FXR1: variants seen among roughly 807,000 people sequenced by gnomAD.
FXR1 encodes the protein FMR1 autosomal homolog 1.
FXR1 carries 15 observed loss-of-function variants against 84.0 expected under a neutral mutation model. That is an observed-to-expected ratio of 0.18 (90% CI 0.12 to 0.27). The LOEUF is 0.27. FXR1 is among the 10% of genes least tolerant of loss of function. The pLI is 1.00. For missense variants in FXR1, 480 were observed against 774.4 expected, an observed-to-expected ratio of 0.62 and a Z score of 4.51; for synonymous variants, 245 against 250.7, an observed-to-expected ratio of 0.98 and a Z score of 0.21.
At chr3:180,931,026 C>CAGAAAAAAAAAAAA (rs1719826372) in intron 1 of FXR1, among the ~76,000 whole-genome samples, 1 of 55,642 alleles carries the variant, frequency 1.8e-5, no homozygotes, top group African/African-American at 6.0e-5. Context: ...GAGACTGCCT[C>CAGAAAAAAAAAAAA]AAAAAAAAAA....
In FXR1 at chr3:180,927,776, G is replaced by T. The variant is rs527873183; in HGVS notation, c.52-5558G>T. 4 of 431,994 alleles carry T rather than the reference G, an allele frequency of 9.3e-6. No individual in the cohort carries two copies. The East Asian group carries it at 1.1e-4, about 11-fold the overall frequency. The allele number at this position is 431,994 out of a possible 1,614,324, so 26.8% of individuals were successfully genotyped here. A position where few individuals can be genotyped will look rare whatever the true frequency, so the allele number is the denominator to read the frequency against. On this transcript the variant is annotated intron_variant, in intron 1 of 16. Transcript: ENST00000357559. The stretch of plus-strand genomic sequence containing the variant: ...AGCAAATGTTTAACAATTTAAAGGA[G>T]ATTTGTATATTATTAAAATTACATT...
At chr3:180,972,240 A>T (rs1038775982) in intron 15 of FXR1, among the ~76,000 whole-genome samples, 1 of 152,082 alleles carries the variant, frequency 6.6e-6, no homozygotes, top group East Asian at 1.9e-4. Context: ...AGGTAGCAGG[A>T]TTGCTTGAGC....
chr3:180,964,164 C>G (rs1399908794), intron 13 of FXR1, among the ~76,000 whole-genome samples: 1 of 151,982 alleles, frequency 6.6e-6, no homozygotes, highest in Non-Finnish European at 1.5e-5. Flanking sequence ...GTATTGAAAC[C>G]TAAACAGCAA....
chr3:180,919,648 A>G (rs1718335357), intron 1 of FXR1, among the ~76,000 whole-genome samples: 1 of 151,352 alleles, frequency 6.6e-6, no homozygotes, highest in Non-Finnish European at 1.5e-5. Context: ...AATAATATTG[A>G]AATTAATATT....
At chr3:180,951,687 T>C (rs1375625341) in intron 8 of FXR1, among the ~76,000 whole-genome samples, 1 of 152,240 alleles carries the variant, frequency 6.6e-6, no homozygotes, top group African/African-American at 2.4e-5. Context: ...TATGTAGTTT[T>C]TTTATTGAGG....
intron 6 of FXR1, 119 bp downstream of exon 6, chr3:180,948,933 A>G: frequency 1.5e-6 from 1 of 651,068 alleles, no homozygotes; most frequent in East Asian, 2.6e-5. Context: ...TTATTAATAT[A>G]GTGTGGGAGA....
rs959702532 is a variant in FXR1, at chr3:180,963,875, G to A, written c.1198+785G>A. ...GTGACCTGATTTGTTTTTTTCCTTC[G>A]CCCCTTCTCTTTATTTTCTCTTTTC... On this transcript the variant is annotated intron_variant, in intron 13 of 16. Transcript: ENST00000357559. 1.2e-3 allele frequency among the ~76,000 whole-genome samples: 180 copies of A among 146,208 alleles called. 1 individual carries two copies. The highest frequency in any genetic ancestry group is 5.4e-4 in the Non-Finnish European group (35 of 64,888).
At chr3:180,976,067 C>T in intron 16 of FXR1, 55 bp from the exon 17 acceptor site, 5 of 1,382,024 alleles carry the variant, frequency 3.6e-6, no homozygotes, top group South Asian at 1.4e-5. Context: ...TGTTTTCCTC[C>T]TCAGCTATAG....
chr3:180,979,569 A>G lies in FXR1; in HGVS notation c.*3277A>G, dbSNP rs752342708. On this transcript the variant is annotated 3_prime_UTR_variant, in exon 17 of 17. Coordinates refer to ENST00000357559, the MANE Select transcript of FXR1 (RefSeq NM_005087.4). The stretch of plus-strand genomic sequence containing the variant: ...GCCCCTTATTTTTTTTTTTAATTTT[A>G]GTTCTTTATTAGAACGTGTACTTGA... 5.3e-5 allele frequency: 8 copies of G among 151,286 alleles called. No homozygotes were observed. Among genetic ancestry groups the G allele is most frequent in the Non-Finnish European group, 7.4e-5 (5 of 67,786 alleles). 9.4% of individuals were successfully genotyped at this position (151,286 alleles called of 1,614,324 possible).
intron 3 of FXR1, among the ~76,000 whole-genome samples, chr3:180,940,433 C>T (rs1720991332): frequency 6.6e-6 from 1 of 151,018 alleles, no homozygotes; most frequent in South Asian, 2.1e-4. Flanking sequence ...AAATATCCCT[C>T]CTCCCTCATT....
intron 3 of FXR1, among the ~76,000 whole-genome samples, chr3:180,943,794 T>TA (rs1192265606): frequency 6.6e-6 from 1 of 152,196 alleles, no homozygotes; most frequent in East Asian, 1.9e-4. Flanking sequence ...ATAAGGGGGT[T>TA]AGGTAGTTTT....
rs574607278 is a variant in FXR1 at position 180,917,470 on chromosome 3, T to A, written c.51+4734T>A. ...ATACATAGTTCCAGATAATTTAAAA[T>A]GGTTGTTTTGCATATTTAAAAAGAT... On this transcript the variant is annotated intron_variant, in intron 1 of 16. Transcript: ENST00000357559. Among the ~76,000 whole-genome samples the A allele has an allele frequency of 1.1e-4, 17 of 152,322 alleles. No individual in the cohort carries two copies. The South Asian group carries it at 2.9e-3, about 26-fold the overall frequency.
intron 2 of FXR1, 114 bp downstream of exon 2, chr3:180,933,500 G>T: frequency 1.4e-6 from 1 of 691,556 alleles, no homozygotes. Flanking sequence ...AGGGAGTGGG[G>T]AGGTTTGGTT....
At chr3:180,974,772 T>C (rs1714017902) in intron 15 of FXR1, among the ~76,000 whole-genome samples, 1 of 152,066 alleles carries the variant, frequency 6.6e-6, no homozygotes, top group Non-Finnish European at 1.5e-5. Context: ...CAGAATCGTT[T>C]CTAGTGTGAA....
At chr3:180,951,636 C>G (rs1722239691) in intron 8 of FXR1, among the ~76,000 whole-genome samples, 168 bp downstream of exon 8, 1 of 152,152 alleles carries the variant, frequency 6.6e-6, no homozygotes, top group Non-Finnish European at 1.5e-5. Flanking sequence ...TTGAAGTTAA[C>G]TTTGTATTGA....
At chr3:180,925,935 G>A (rs930766191) in intron 1 of FXR1, among the ~76,000 whole-genome samples, 3 of 152,096 alleles carry the variant, frequency 2.0e-5, no homozygotes, top group Non-Finnish European at 4.4e-5. Context: ...TGTAGTTGGG[G>A]TAAATGGAGA....
At chr3:180,912,774 T>A in intron 1 of FXR1, 38 bp downstream of exon 1, 1 of 1,613,976 alleles carries the variant, frequency 6.2e-7, no homozygotes. Context: ...GTGTTCTGGG[T>A]GCTGGAGCGC....
chr3:180,927,580 A>C (rs965859387), intron 1 of FXR1: 1 of 591,150 alleles, frequency 1.7e-6, no homozygotes, highest in African/African-American at 2.0e-5. Flanking sequence ...TTTTTCAGCT[A>C]TATTCTGTAA....
chr3:180,948,727 T>G lies in FXR1; in HGVS notation c.426T>G (p.Ala142=). The change falls in exon 6 of 17, where the codon GCT becomes GCG. Residue 142 remains alanine, a synonymous_variant. Coordinates refer to ENST00000357559, the MANE Select transcript of FXR1 (RefSeq NM_005087.4). ...TAAATTGATTTCTCTCTAGGTGTGC[T>G]AATGAAAATGCACATAAAGATTTTA... is the stretch of plus-strand genomic sequence containing the variant. ...DVPEDLREAC[A]NENAHKDFKK... 1 of 1,532,460 alleles carries G rather than the reference T, an allele frequency of 6.5e-7. No homozygotes were observed. Among genetic ancestry groups the G allele is most frequent in the East Asian group, 2.3e-5 (1 of 44,426 alleles). The allele number at this position is 1,532,460 out of a possible 1,614,324, so 94.9% of individuals were successfully genotyped here.
Sources: gnomAD v4.1 joint callset for allele counts (sites outside exome capture counted in the v4.1 genomes callset) on GRCh38, gnomAD v4.1.1 for gene constraint, MANE v1.5 for transcripts, NCBI Gene and HGNC (gene_info 2026-07-23, HGNC 2026-07-21) for gene names.